ARHGEF38: variants seen among roughly 807,000 people sequenced by gnomAD.
ARHGEF38 encodes the protein Rho guanine nucleotide exchange factor 38, also known as Rho guanine nucleotide exchange factor (GEF) 38.
A neutral mutation model predicts 79.9 loss-of-function variants in ARHGEF38; 79 were observed. The observed-to-expected ratio is 0.99, with a 90% CI of 0.82 to 1.19. The LOEUF is 1.19. ARHGEF38 is among the 50% of genes most tolerant of loss of function. ARHGEF38 has a pLI of 0.00. For missense variants in ARHGEF38, 962 were observed against 907.2 expected, an observed-to-expected ratio of 1.06 and a Z score of -0.78; for synonymous variants, 366 against 328.3, an observed-to-expected ratio of 1.11 and a Z score of -1.24.
intron 1 of ARHGEF38, chr4:105,561,454 A>AATG (rs1560684495): frequency 0.02 from 713 of 36,044 alleles, 40 homozygotes; most frequent in Admixed American, 0.032. Context: ...AGAATGGAAT[A>AATG]GAATAGAATA....
rs535013913 is a variant in ARHGEF38 at position 105,644,490 on chromosome 4, C to T, written c.675-698C>T. Among the ~76,000 whole-genome samples the T allele has an allele frequency of 5.3e-5, 8 of 152,308 alleles. No homozygotes were observed. The South Asian group carries it at 1.4e-3, about 28-fold the overall frequency. ...AACTGCCTAACCAGTTGGAACGGCT[C>T]CAACTTCGTCTCAGAAGCTGCTAAA... is the stretch of plus-strand genomic sequence containing the variant. On this transcript the variant is annotated intron_variant, in intron 5 of 13. Coordinates refer to ENST00000420470, the MANE Select transcript of ARHGEF38 (RefSeq NM_001242729.2).
At chr4:105,567,978 TG>T (rs1726022104) in intron 1 of ARHGEF38, among the ~76,000 whole-genome samples, 1 of 126,344 alleles carries the variant, frequency 7.9e-6, no homozygotes, top group South Asian at 2.7e-4. Context: ...TTCCCCTTCC[TG>T]TGTCCATGTG....
intron 5 of ARHGEF38, among the ~76,000 whole-genome samples, chr4:105,638,044 T>C (rs764739616): frequency 2.6e-5 from 4 of 152,098 alleles, no homozygotes; most frequent in Non-Finnish European, 5.9e-5. Flanking sequence ...GAAGCACACA[T>C]ACTGCTACAG....
chr4:105,612,087 A>G (rs1042618606), intron 2 of ARHGEF38, among the ~76,000 whole-genome samples: 1 of 152,150 alleles, frequency 6.6e-6, no homozygotes, highest in Non-Finnish European at 1.5e-5. Flanking sequence ...CCTTACCAAA[A>G]TAATATTGGT....
chr4:105,575,008 A>G (rs1336139021), intron 1 of ARHGEF38, among the ~76,000 whole-genome samples: 2 of 71,152 alleles, frequency 2.8e-5, no homozygotes, highest in East Asian at 1.2e-3. Flanking sequence ...ATACACACAC[A>G]TATATACACA....
chr4:105,658,910 C>T, intron 9 of ARHGEF38, 144 bp from the exon 10 acceptor site: 1 of 691,668 alleles, frequency 1.4e-6, no homozygotes, highest in Non-Finnish European at 2.4e-6. Flanking sequence ...ACAAAATGAT[C>T]AGATCCTCTT....
At position 105,655,736 on chromosome 4, in the gene ARHGEF38, A is replaced by T; in HGVS notation, c.1233+14A>T. 1 of 1,531,618 alleles carries T rather than the reference A, an allele frequency of 6.5e-7. No individual in the cohort carries two copies. The highest frequency in any genetic ancestry group is 8.7e-7 in the Non-Finnish European group (1 of 1,144,868). 94.9% of individuals were successfully genotyped at this position (1,531,618 alleles called of 1,614,324 possible). Reference sequence around the variant, plus strand: ...TGTCATGACTTTGTAAGTTATTTATATTCACAGATAAATGCAAATTAAATA... The same window carrying T: ...TGTCATGACTTTGTAAGTTATTTATTTTCACAGATAAATGCAAATTAAATA... On this transcript the variant is annotated intron_variant, in intron 9 of 13. Coordinates refer to ENST00000420470, the MANE Select transcript of ARHGEF38 (RefSeq NM_001242729.2).
intron 7 of ARHGEF38, among the ~76,000 whole-genome samples, chr4:105,650,334 C>T (rs1578347184): frequency 1.3e-5 from 2 of 152,168 alleles, no homozygotes; most frequent in East Asian, 3.8e-4. Context: ...CTTTCATATG[C>T]AAACCAATCA....
At chr4:105,572,238 C>T (rs6841679) in intron 1 of ARHGEF38, among the ~76,000 whole-genome samples, 123,928 of 152,130 alleles carry the variant, frequency 0.81, 51,137 homozygotes, top group South Asian at 0.93. Flanking sequence ...CATTGAAACT[C>T]TTCTTTTTTT....
At chr4:105,665,507 G>C (rs913046060) in intron 10 of ARHGEF38, among the ~76,000 whole-genome samples, 1 of 151,914 alleles carries the variant, frequency 6.6e-6, no homozygotes, top group Middle Eastern at 3.4e-3. Context: ...GTGACTAGTT[G>C]CCCAGGCTGG....
At chr4:105,557,571 G>A (rs769420279) in intron 1 of ARHGEF38, among the ~76,000 whole-genome samples, 1 of 146,482 alleles carries the variant, frequency 6.8e-6, no homozygotes, top group Non-Finnish European at 1.5e-5. Context: ...TGAGGGTGAA[G>A]CTTTGGTGAA....
chr4:105,666,156 C>A, intron 10 of ARHGEF38, 21 bp from the exon 11 acceptor site: 2 of 1,499,394 alleles, frequency 1.3e-6, no homozygotes, highest in Non-Finnish European at 1.8e-6. Flanking sequence ...GGAAACAATG[C>A]CATATTATTT....
chr4:105,593,959 T>C (rs1352504526), intron 2 of ARHGEF38, among the ~76,000 whole-genome samples: 21 of 152,218 alleles, frequency 1.4e-4, no homozygotes, highest in Admixed American at 1.3e-3. Context: ...TCACATTTTC[T>C]AGGTTGTTTT....
At chr4:105,681,556 TTC>T (rs1386517188), downstream of ARHGEF38, among the ~76,000 whole-genome samples, 2 of 152,186 alleles carry the variant, frequency 1.3e-5, no homozygotes, top group South Asian at 4.1e-4. Context: ...GCTTCCTATC[TTC>T]TCTCAGAATA....
chr4:105,624,805 C>T (rs1182922011), intron 3 of ARHGEF38, among the ~76,000 whole-genome samples: 1 of 152,280 alleles, frequency 6.6e-6, no homozygotes. Flanking sequence ...GGGGAGCAAC[C>T]CTTGAACTTG....
At chr4:105,580,866 G>C (rs559302844) in intron 1 of ARHGEF38, among the ~76,000 whole-genome samples, 126 of 152,066 alleles carry the variant, frequency 8.3e-4, no homozygotes, top group African/African-American at 3.0e-3. Flanking sequence ...GTAGAGGCGG[G>C]GTTTCACCAT....
chr4:105,661,517 TTG>T (rs1553949264), intron 10 of ARHGEF38, among the ~76,000 whole-genome samples: 84 of 148,436 alleles, frequency 5.7e-4, no homozygotes, highest in African/African-American at 2.0e-3. Context: ...ATTATTATTA[TTG>T]TTATAGCTAT....
intron 1 of ARHGEF38, among the ~76,000 whole-genome samples, chr4:105,574,481 C>T (rs1168357245): frequency 6.8e-6 from 1 of 147,916 alleles, no homozygotes; most frequent in East Asian, 2.0e-4. Flanking sequence ...CCCCAGGTGG[C>T]AGAGGTTGTA....
intron 2 of ARHGEF38, among the ~76,000 whole-genome samples, chr4:105,597,448 C>T (rs1217966570): frequency 2.0e-5 from 3 of 152,106 alleles, no homozygotes; most frequent in Non-Finnish European, 2.9e-5. Context: ...AATAGGCAAC[C>T]ATGGAATTCT....
Sources: gnomAD v4.1 joint callset for allele counts (sites outside exome capture counted in the v4.1 genomes callset) on GRCh38, gnomAD v4.1.1 for gene constraint, MANE v1.5 for transcripts, NCBI Gene and HGNC (gene_info 2026-07-23, HGNC 2026-07-21) for gene names.